CCDC141: variants seen among roughly 807,000 people sequenced by gnomAD.
CCDC141 encodes the protein coiled-coil domain-containing protein 141.
CCDC141 carries 168 observed loss-of-function variants against 181.0 expected under a neutral mutation model. That is an observed-to-expected ratio of 0.93 (90% CI 0.82 to 1.05). The LOEUF (loss-of-function observed/expected upper bound fraction) is 1.05, where lower values mean the gene tolerates loss of function less well. Ranked by LOEUF, CCDC141 falls within the 50% of genes least tolerant of loss-of-function variation. The pLI is 0.00. For synonymous variants in CCDC141, 666 were observed against 642.3 expected (o/e 1.04, Z -0.56); for missense variants, 1,902 against 1,788.5 (o/e 1.06, Z -1.14).
intron 2 of CCDC141, among the ~76,000 whole-genome samples, chr2:179,018,122 C>G (rs992524302): frequency 1.4e-4 from 22 of 152,104 alleles, no homozygotes; most frequent in African/African-American, 5.1e-4. Flanking sequence ...TTAAGTGTGG[C>G]TTTGAAATTG....
chr2:179,015,209 A>ATCATTTATC (rs1559049055), intron 2 of CCDC141, among the ~76,000 whole-genome samples: 1 of 126,228 alleles, frequency 7.9e-6, no homozygotes, highest in Non-Finnish European at 1.6e-5. Context: ...TATCATATAT[A>ATCATTTATC]TCATATATCT....
At chr2:178,893,694 C>T (rs919556129) in intron 8 of CCDC141, among the ~76,000 whole-genome samples, 1 of 151,906 alleles carries the variant, frequency 6.6e-6, no homozygotes, top group Non-Finnish European at 1.5e-5. Flanking sequence ...TGAAAAAGTG[C>T]CATTTATACT....
In CCDC141 at chr2:178,888,507, G is replaced by C. The variant is rs1428629269; in HGVS notation, c.1407+20C>G. On this transcript the variant is annotated intron_variant, in intron 9 of 23. Coordinates refer to ENST00000443758, the MANE Select transcript of CCDC141 (RefSeq NM_173648.4). Reference sequence around the variant, plus strand: ...TATTATCACCAACTTAGATATTTAAGTTTTAGTTTACGAAACTACCTTCCG... The same window carrying C: ...TATTATCACCAACTTAGATATTTAACTTTTAGTTTACGAAACTACCTTCCG... The C allele has an allele frequency of 6.5e-7, 1 of 1,548,382 alleles. No individual in the cohort carries two copies.
At chr2:178,818,065 A>C in the CCDC141 span, among the ~76,000 whole-genome samples, 1 of 152,076 alleles carries the variant, frequency 6.6e-6, no homozygotes, top group Admixed American at 6.6e-5. Flanking sequence ...AGTCTCCCAA[A>C]GTGCTGGGAT....
At chr2:178,946,149 T>A (rs896645849) in intron 5 of CCDC141, among the ~76,000 whole-genome samples, 6 of 152,178 alleles carry the variant, frequency 3.9e-5, no homozygotes, top group African/African-American at 1.4e-4. Context: ...TTCTTCCGAA[T>A]ATCTGGTAAT....
chr2:179,006,757 GT>G (rs1374933557), intron 2 of CCDC141, among the ~76,000 whole-genome samples: 1 of 152,078 alleles, frequency 6.6e-6, no homozygotes, highest in Admixed American at 6.5e-5. Flanking sequence ...GAGAAGGAAT[GT>G]TTCCTCACTT....
chr2:178,924,263 A>C (rs1261490964), intron 6 of CCDC141, among the ~76,000 whole-genome samples: 1 of 152,230 alleles, frequency 6.6e-6, no homozygotes, highest in Non-Finnish European at 1.5e-5. Flanking sequence ...ATCTGGGAGA[A>C]GCATGTGTTG....
intron 3 of CCDC141, among the ~76,000 whole-genome samples, chr2:178,977,520 C>T (rs997453634): frequency 2.0e-5 from 3 of 152,090 alleles, no homozygotes; most frequent in Admixed American, 6.5e-5. Context: ...AGTTAAACTT[C>T]GGTGTTCAAA....
intron 22 of CCDC141, among the ~76,000 whole-genome samples, chr2:178,844,243 G>A (rs1684843114): frequency 6.6e-6 from 1 of 152,106 alleles, no homozygotes; most frequent in South Asian, 2.1e-4. Context: ...GTAACTCTTA[G>A]AAACCTTTTT....
intron 11 of CCDC141, among the ~76,000 whole-genome samples, chr2:178,883,052 A>C (rs1254218209): frequency 6.6e-6 from 1 of 152,230 alleles, no homozygotes; most frequent in Non-Finnish European, 1.5e-5. Flanking sequence ...TGTTTTGATT[A>C]AATTGTTGTT....
intron 2 of CCDC141, among the ~76,000 whole-genome samples, chr2:178,982,633 C>A (rs1036206122): frequency 8.5e-6 from 1 of 117,240 alleles, no homozygotes; most frequent in Non-Finnish European, 1.7e-5. Flanking sequence ...CGAAGCAGAG[C>A]GAGGCACTGC....
Position 178,865,783 on chromosome 2 carries a change from C to T in CCDC141, c.2708G>A (p.Arg903Lys), listed in dbSNP as rs1250207924. ...LSRSVEYCAMRDEINELKDSF... is the reference protein window; with the variant it reads ...LSRSVEYCAMKDEINELKDSF... ...CACACCCACCTCATTTATCTCGTCT[C>T]TCATGGCGCAGTACTCCACACTACG... is the stretch of plus-strand genomic sequence containing the variant. The change falls in exon 17 of 24, where the codon AGA becomes AAA. Residue 903 changes from arginine (R) to lysine (K), a missense_variant. Arg to Lys is a conservative substitution (Grantham distance 26, BLOSUM62 2). Coordinates refer to ENST00000443758, the MANE Select transcript of CCDC141 (RefSeq NM_173648.4). 2 of 1,558,258 alleles carry T rather than the reference C, an allele frequency of 1.3e-6. No homozygotes were observed. Among genetic ancestry groups the T allele is most frequent in the Non-Finnish European group, 8.7e-7 (1 of 1,154,894 alleles).
chr2:178,836,824 G>T, intron 23 of CCDC141, 70 bp downstream of exon 23: 1 of 1,509,754 alleles, frequency 6.6e-7, no homozygotes, highest in Non-Finnish European at 8.9e-7. Context: ...TTCAGTTAGT[G>T]CTCACAGAAT....
intron 1 of CCDC141, among the ~76,000 whole-genome samples, chr2:179,048,300 G>GT (rs2043565631): frequency 6.6e-6 from 1 of 152,180 alleles, no homozygotes; most frequent in African/African-American, 2.4e-5. Context: ...TTCCATTAAG[G>GT]TGGACTTTAT....
chr2:178,911,596 T>C (rs1688221798), intron 7 of CCDC141, among the ~76,000 whole-genome samples: 1 of 152,234 alleles, frequency 6.6e-6, no homozygotes, highest in Non-Finnish European at 1.5e-5. Context: ...ATAAGAACTT[T>C]TATTATTGAA....
chr2:178,899,114 G>A (rs1329104936), intron 8 of CCDC141, among the ~76,000 whole-genome samples: 1 of 152,054 alleles, frequency 6.6e-6, no homozygotes, highest in African/African-American at 2.4e-5. Flanking sequence ...TATTTTTACT[G>A]TACTTTTTCC....
At chr2:178,844,673 C>A (rs544440121) in intron 22 of CCDC141, among the ~76,000 whole-genome samples, 1 of 152,164 alleles carries the variant, frequency 6.6e-6, no homozygotes, top group East Asian at 1.9e-4. Flanking sequence ...TGGAAAAGGA[C>A]CTATAAGAAA....
chr2:179,049,999 T>C lies in CCDC141; in HGVS notation c.-58A>G. On this transcript the variant is annotated 5_prime_UTR_variant, in exon 1 of 24. Coordinates refer to ENST00000443758, the MANE Select transcript of CCDC141 (RefSeq NM_173648.4). ...AGCCTCTGGACAGTTGTGTGTCTGC[T>C]GGTCATTTCAGAAGGCCAGGGTTAC... 1 of 1,547,952 alleles carries C rather than the reference T, an allele frequency of 6.5e-7. No homozygotes were observed. The highest frequency in any genetic ancestry group is 8.7e-7 in the Non-Finnish European group (1 of 1,145,422).
intron 3 of CCDC141, among the ~76,000 whole-genome samples, chr2:178,978,217 CT>C (rs1691210103): frequency 6.6e-6 from 1 of 152,102 alleles, no homozygotes; most frequent in Non-Finnish European, 1.5e-5. Flanking sequence ...ATCGTAATGA[CT>C]TATGAGTGTT....
Sources: gnomAD v4.1 joint callset for allele counts (sites outside exome capture counted in the v4.1 genomes callset) on GRCh38, gnomAD v4.1.1 for gene constraint, MANE v1.5 for transcripts, NCBI Gene and HGNC (gene_info 2026-07-23, HGNC 2026-07-21) for gene names.